MAP3K3: variants seen among roughly 807,000 people sequenced by gnomAD.
The protein encoded by MAP3K3 is mitogen-activated protein kinase kinase kinase 3.
In MAP3K3, 12 loss-of-function variants were observed where a neutral mutation model predicts 80.9. The ratio of observed to expected loss-of-function variants is 0.15; its 90% CI spans 0.10 to 0.24. The LOEUF (loss-of-function observed/expected upper bound fraction) is 0.24. MAP3K3 is among the 10% of genes least tolerant of loss of function. MAP3K3 has a pLI of 1.00. For missense variants in MAP3K3, 596 were observed against 834.7 expected (o/e 0.71, Z 3.52); for synonymous variants, 272 against 307.1 (o/e 0.89, Z 1.19).
chr17:63,667,089 C>T (rs767808270), intron 6 of MAP3K3, 29 bp downstream of exon 6: 16 of 1,556,134 alleles, frequency 1.0e-5, no homozygotes, highest in Non-Finnish European at 1.3e-5. Context: ...TTTTCTCCCC[C>T]TCTATTTTAT....
intron 2 of MAP3K3, among the ~76,000 whole-genome samples, chr17:63,643,201 G>A (rs1350485983): frequency 6.6e-6 from 1 of 152,018 alleles, no homozygotes; most frequent in Non-Finnish European, 1.5e-5. Flanking sequence ...ACTAATGTAA[G>A]ATATTAATAA....
In MAP3K3 at chr17:63,689,372, C is replaced by G. The variant is rs1475938787; in HGVS notation, c.872-172C>G. On this transcript the variant is annotated intron_variant, in intron 10 of 15. Coordinates refer to ENST00000361733, the MANE Select transcript of MAP3K3 (RefSeq NM_002401.5). The surrounding 1 kb of genome is among the most constrained non-coding windows in gnomAD (Gnocchi z 4.3). ...GGACAGCAGCCTCTGTGGAATGAGT[C>G]AGGTGGGAGTGCGGACGGGATGGGC... 3.3e-6 allele frequency: 2 copies of G among 601,258 alleles called. No individual in the cohort carries two copies. The highest frequency in any genetic ancestry group is 3.7e-5 in the African/African-American group (2 of 53,906). The allele number at this position is 601,258 out of a possible 1,614,324, so 37.2% of individuals were successfully genotyped here.
intron 4 of MAP3K3, among the ~76,000 whole-genome samples, chr17:63,653,166 C>T (rs1336677306): frequency 2.0e-5 from 3 of 152,198 alleles, no homozygotes; most frequent in African/African-American, 7.2e-5. Context: ...CCTCCTCCTC[C>T]TCACTCCACC....
intron 5 of MAP3K3, 21 bp downstream of exon 5, chr17:63,657,928 T>C: frequency 7.4e-7 from 1 of 1,359,840 alleles, no homozygotes. Flanking sequence ...CTTGTCATGG[T>C]CTGGCAGCTG....
Position 63,692,469 on chromosome 17 carries a change from C to G in MAP3K3, c.1652+50C>G, listed in dbSNP as rs1276935885. ...CATTCTTCCACCCAGGCCATAGTGG[C>G]CCCCCATTAGAAACACACCCTGGGG... On this transcript the variant is annotated intron_variant, in intron 15 of 15. Coordinates refer to ENST00000361733, the MANE Select transcript of MAP3K3 (RefSeq NM_002401.5). This position sits in a 1 kb window ranked among gnomAD's most constrained non-coding sequence, Gnocchi z 4.5. 1.3e-6 allele frequency: 2 copies of G among 1,534,758 alleles called. No homozygotes were observed. Among genetic ancestry groups the G allele is most frequent in the East Asian group, 2.3e-5 (1 of 43,372 alleles).
intron 1 of MAP3K3, among the ~76,000 whole-genome samples, chr17:63,626,326 G>C (rs2034101363): frequency 6.6e-6 from 1 of 152,192 alleles, no homozygotes; most frequent in Admixed American, 6.5e-5. Context: ...GCAGAAACAT[G>C]TAAACAATTA....
chr17:63,681,778 C>G lies in MAP3K3; in HGVS notation c.515C>G (p.Pro172Arg). Residue 172 changes from proline to arginine, a missense_variant, in exon 7 of 16, where the codon CCT (proline) becomes CGT (arginine). Around this residue, in one of 2 missense-constraint regions of MAP3K3, gnomAD observed 232 missense variants for 245.8 expected, o/e 0.94. Coordinates refer to ENST00000361733, the MANE Select transcript of MAP3K3 (RefSeq NM_002401.5). ...SRHLSVSSQN[P>R]GRSSPPPGYV... is the part of the protein sequence containing the mutation. ...TTATGTGCTCTAGGCTCCCAGAACCCTGGCCGAAGCTCACCTCCCCCTGGC... is the reference window on the plus strand; with the variant it reads ...TTATGTGCTCTAGGCTCCCAGAACCGTGGCCGAAGCTCACCTCCCCCTGGC... The G allele has an allele frequency of 1.3e-6, 2 of 1,512,398 alleles. No homozygotes were observed. Among genetic ancestry groups the G allele is most frequent in the Non-Finnish European group, 1.8e-6 (2 of 1,124,738 alleles). 93.7% of individuals were successfully genotyped at this position (1,512,398 alleles called of 1,614,324 possible). A position where few individuals can be genotyped will look rare whatever the true frequency, so the allele number is the denominator to read the frequency against.
chr17:63,659,525 C>CTTTT (rs57166616), intron 5 of MAP3K3, among the ~76,000 whole-genome samples: 36 of 64,564 alleles, frequency 5.6e-4, no homozygotes, highest in African/African-American at 1.1e-3. Context: ...CTGTCATGGA[C>CTTTT]TTTTTTTTTT....
chr17:63,692,921 G>A lies in MAP3K3; in HGVS notation c.1652+502G>A, dbSNP rs2035622872. On this transcript the variant is annotated intron_variant, in intron 15 of 15. Transcript: ENST00000361733. This position sits in a 1 kb window ranked among gnomAD's most constrained non-coding sequence, Gnocchi z 4.5. ...GTAAATGTGATTGTATATAGCAAAG[G>A]GCCTTTGCAGATAGGATTAGGTTAA... Among the ~76,000 whole-genome samples the A allele has an allele frequency of 6.6e-6, 1 of 152,206 alleles. No homozygotes were observed. The highest frequency in any genetic ancestry group is 1.5e-5 in the Non-Finnish European group (1 of 68,042).
intron 2 of MAP3K3, among the ~76,000 whole-genome samples, chr17:63,645,784 G>A (rs1243917891): frequency 2.0e-5 from 3 of 148,316 alleles, no homozygotes; most frequent in African/African-American, 7.4e-5. Flanking sequence ...GCATGTCACA[G>A]CATAGCAACT....
intron 4 of MAP3K3, among the ~76,000 whole-genome samples, chr17:63,656,989 G>C (rs538839178): frequency 4.6e-5 from 7 of 152,290 alleles, no homozygotes; most frequent in Admixed American, 1.3e-4. Flanking sequence ...AGCTCCGTGA[G>C]AATGGAGGAG....
chr17:63,641,404 G>A (rs567876706), intron 2 of MAP3K3, among the ~76,000 whole-genome samples: 2 of 151,916 alleles, frequency 1.3e-5, no homozygotes, highest in South Asian at 2.1e-4. Flanking sequence ...CACCACACCC[G>A]GCTAATTTTT....
intron 8 of MAP3K3, chr17:63,688,173 C>T (rs1277819945): frequency 2.2e-5 from 7 of 319,258 alleles, no homozygotes; most frequent in African/African-American, 6.4e-5. Context: ...AGCCTATCAA[C>T]GATGATGCTG....
intron 2 of MAP3K3, among the ~76,000 whole-genome samples, chr17:63,644,760 G>C (rs1226027098): frequency 6.6e-6 from 1 of 152,044 alleles, no homozygotes; most frequent in Non-Finnish European, 1.5e-5. Context: ...TCCCTTTTCT[G>C]TTGTCTGTTT....
intron 2 of MAP3K3, among the ~76,000 whole-genome samples, chr17:63,633,213 GA>G (rs1568123080): frequency 1.3e-4 from 20 of 150,634 alleles, no homozygotes; most frequent in Admixed American, 1.1e-3. Flanking sequence ...GGGCAAGACA[GA>G]GTGAAACTCT....
At position 63,693,815 on chromosome 17, in the gene MAP3K3, G is replaced by T. The variant is rs745642617; in HGVS notation, c.*38G>T. ...ACACAGCTGCCGGTCGCCCTTTGCT[G>T]CATGGCAGGGGGCTGCTGCTGGGCT... is the stretch of plus-strand genomic sequence containing the variant. On this transcript the variant is annotated 3_prime_UTR_variant, in exon 16 of 16. Coordinates refer to ENST00000361733, the MANE Select transcript of MAP3K3 (RefSeq NM_002401.5). This position sits in a 1 kb window ranked among gnomAD's most constrained non-coding sequence, Gnocchi z 4.2. 2.0e-6 allele frequency: 3 copies of T among 1,536,552 alleles called. No individual in the cohort carries two copies. The South Asian group carries it at 3.5e-5, about 18-fold the overall frequency.
chr17:63,681,842 G>A lies in MAP3K3; in HGVS notation c.579G>A (p.Gly193=), dbSNP rs760456916. The change falls in exon 7 of 16, where the codon GGG becomes GGA. Residue 193 remains glycine (G), a synonymous_variant. Transcript: ENST00000361733. Reference sequence around the variant, plus strand: ...GGCAGCAGCACATTGCCCGGCAGGGGTCCTACACCAGCATCAACAGTGAGG... The same window carrying A: ...GGCAGCAGCACATTGCCCGGCAGGGATCCTACACCAGCATCAACAGTGAGG... ...PERQQHIARQ[G]SYTSINSEGE... is the part of the protein sequence containing the mutation. 2 of 1,549,964 alleles carry A rather than the reference G, an allele frequency of 1.3e-6. No homozygotes were observed. The highest frequency in any genetic ancestry group is 1.7e-6 in the Non-Finnish European group (2 of 1,144,096).
chr17:63,646,140 C>CCATGAACTCA, intron 3 of MAP3K3, 66 bp downstream of exon 3: 3 of 1,415,444 alleles, frequency 2.1e-6, no homozygotes, highest in African/African-American at 1.4e-5. Flanking sequence ...GCATTGAGTT[C>CCATGAACTCA]ATGGAAGTCA....
intron 7 of MAP3K3, 106 bp downstream of exon 7, chr17:63,682,005 C>T: frequency 4.8e-6 from 5 of 1,042,304 alleles, no homozygotes; most frequent in Non-Finnish European, 6.4e-6. Flanking sequence ...ACATGAACCC[C>T]ATTTGAAAGC....
Sources: allele counts gnomAD v4.1 joint callset (sites outside exome capture counted in the v4.1 genomes callset), GRCh38; gene constraint gnomAD v4.1.1; regional missense constraint gnomAD v4.1.1; non-coding constraint Gnocchi (gnomAD v3.1); transcripts MANE v1.5; gene names NCBI Gene and HGNC (gene_info 2026-07-23, HGNC 2026-07-21).